Variants in PSD3 observed in about 807,000 individuals in gnomAD.
PSD3 encodes the protein PH and SEC7 domain-containing protein 3.
PSD3 carries 49 observed loss-of-function variants against 105.5 expected under a neutral mutation model. The observed-to-expected ratio is 0.46, with a 90% CI of 0.37 to 0.59. The LOEUF is 0.59. Ranked by LOEUF, PSD3 falls within the 20% of genes least tolerant of loss-of-function variation. PSD3 has a pLI of 0.00. For synonymous variants in PSD3, 557 were observed against 457.8 expected, an observed-to-expected ratio of 1.22 and a Z score of -2.77; for missense variants, 1,561 against 1,263.8, an observed-to-expected ratio of 1.24 and a Z score of -3.57.
chr8:18,990,387 T>G (rs1825723840), intron 1 of PSD3, among the ~76,000 whole-genome samples: 1 of 152,136 alleles, frequency 6.6e-6, no homozygotes, highest in Non-Finnish European at 1.5e-5. Flanking sequence ...CCGCCTGGCC[T>G]TCTCTCAGTT....
intron 1 of PSD3, among the ~76,000 whole-genome samples, chr8:19,074,651 C>T (rs1285296422): frequency 2.8e-5 from 3 of 106,520 alleles, no homozygotes; most frequent in Non-Finnish European, 5.1e-5. Context: ...GATGGAGTCT[C>T]GCTCTGTGGC....
chr8:18,530,892 C>T lies in PSD3; in HGVS notation c.*4851G>A, dbSNP rs1799606859. ...TTATTTGAGTTTAAGTTTAATAAAA[C>T]AATACCACTATATATACTCTCAACA... is the stretch of plus-strand genomic sequence containing the variant. On this transcript the variant is annotated 3_prime_UTR_variant, in exon 16 of 16. Coordinates refer to ENST00000327040, the MANE Select transcript of PSD3 (RefSeq NM_015310.4). 1 of 152,100 alleles carries T rather than the reference C, an allele frequency of 6.6e-6. No individual in the cohort carries two copies. Among genetic ancestry groups the T allele is most frequent in the Non-Finnish European group, 1.5e-5 (1 of 68,034 alleles). The allele number at this position is 152,100 out of a possible 1,614,324, so 9.4% of individuals were successfully genotyped here.
In PSD3 at chr8:18,870,231, C is replaced by T. The variant is rs114233549; in HGVS notation, c.1238+1395G>A. 7.7e-3 allele frequency among the ~76,000 whole-genome samples: 1,172 copies of T among 152,258 alleles called. 21 individuals are homozygous for T. The highest frequency in any genetic ancestry group is 0.027 in the African/African-American group (1,104 of 41,542). ...ACAACCCTCGGCCTTGACACAGATG[C>T]TCTCCCGTATAAACTATAAAATGTG... On this transcript the variant is annotated intron_variant, in intron 3 of 15. Transcript: ENST00000327040.
At position 18,641,389 on chromosome 8, in the gene PSD3, C is replaced by A. The variant is rs529812244; in HGVS notation, c.2217-8583G>T. ...GTCCTGATATCATGATGATTAAGAC[C>A]CCTCGAGGGGTTCATCATCCAGTAG... On this transcript the variant is annotated intron_variant, in intron 10 of 15. Coordinates refer to ENST00000327040, the MANE Select transcript of PSD3 (RefSeq NM_015310.4). Among the ~76,000 whole-genome samples, 4 of 152,138 alleles carry A rather than the reference C, an allele frequency of 2.6e-5. No homozygotes were observed. In the South Asian group the frequency reaches 8.3e-4, roughly 32 times the overall value.
chr8:18,744,212 C>T (rs1804805549), intron 9 of PSD3, among the ~76,000 whole-genome samples: 1 of 152,176 alleles, frequency 6.6e-6, no homozygotes, highest in Admixed American at 6.5e-5. Context: ...GTAGGCTTTA[C>T]ATGGATTTTC....
At position 18,531,337 on chromosome 8, in the gene PSD3, T is replaced by A. The variant is rs987649872; in HGVS notation, c.*4406A>T. Reference sequence around the variant, plus strand: ...TCTCTGCATGCAATGGGCCAATTATTGTCATAAGCAGAAGGCTGCCCACGT... The same window carrying A: ...TCTCTGCATGCAATGGGCCAATTATAGTCATAAGCAGAAGGCTGCCCACGT... On this transcript the variant is annotated 3_prime_UTR_variant, in exon 16 of 16. Transcript: ENST00000327040. 1 of 152,654 alleles carries A rather than the reference T, an allele frequency of 6.6e-6. No individual in the cohort carries two copies. The highest frequency in any genetic ancestry group is 6.5e-5 in the Admixed American group (1 of 15,290). The allele number at this position is 152,654 out of a possible 1,614,324, so 9.5% of individuals were successfully genotyped here. A position where few individuals can be genotyped will look rare whatever the true frequency, so the allele number is the denominator to read the frequency against.
intron 9 of PSD3, among the ~76,000 whole-genome samples, chr8:18,713,503 G>C (rs189472312): frequency 6.6e-6 from 1 of 152,188 alleles, no homozygotes; most frequent in Admixed American, 6.5e-5. Context: ...CAAGCAGAGA[G>C]CCAAATCATG....
At position 18,680,208 on chromosome 8, in the gene PSD3, G is replaced by A. The variant is rs575004140; in HGVS notation, c.2173-24523C>T. ...GACTGTGGAAATGTCTGGGAGAACT[G>A]AGGCTTAAATCAACATTTTCTAATA... On this transcript the variant is annotated intron_variant, in intron 9 of 15. Coordinates refer to ENST00000327040, the MANE Select transcript of PSD3 (RefSeq NM_015310.4). Among the ~76,000 whole-genome samples the A allele has an allele frequency of 2.0e-5, 3 of 152,314 alleles. No individual in the cohort carries two copies. The South Asian group carries it at 6.2e-4, about 32-fold the overall frequency.
At chr8:19,084,661 AT>A (rs1194003993) in exon 1 of PSD3, 2 of 338,342 alleles carry the variant, frequency 5.9e-6, no homozygotes, top group Non-Finnish European at 1.2e-5. Flanking sequence ...GGATCCTGGG[AT>A]TTTTTCCTCC....
chr8:18,661,310 T>C (rs1386696), intron 9 of PSD3, among the ~76,000 whole-genome samples: 149,857 of 152,294 alleles, frequency 0.98, 73,771 homozygotes, highest in Non-Finnish European at 1. Flanking sequence ...ACCACAATTC[T>C]CTCTTTCAAA....
intron 1 of PSD3, among the ~76,000 whole-genome samples, chr8:18,961,455 A>G (rs890709994): frequency 1.3e-5 from 2 of 152,206 alleles, no homozygotes; most frequent in Non-Finnish European, 2.9e-5. Flanking sequence ...TTGGGAGGCC[A>G]AGGCGGGCGG....
intron 10 of PSD3, among the ~76,000 whole-genome samples, chr8:18,647,049 A>G (rs1400537061): frequency 1.3e-5 from 2 of 152,208 alleles, no homozygotes; most frequent in Non-Finnish European, 2.9e-5. Flanking sequence ...ATGTACATGC[A>G]CACACTCACA....
At chr8:18,903,035 G>A (rs974238419) in intron 2 of PSD3, among the ~76,000 whole-genome samples, 2 of 152,150 alleles carry the variant, frequency 1.3e-5, no homozygotes, top group Admixed American at 6.5e-5. Context: ...TGTGGCACCT[G>A]CATCTTGGAG....
chr8:18,873,866 C>T (rs750688724), intron 2 of PSD3, among the ~76,000 whole-genome samples: 4 of 152,114 alleles, frequency 2.6e-5, no homozygotes, highest in South Asian at 4.1e-4. Context: ...CCCCAATACA[C>T]GAAGTAAACA....
intron 6 of PSD3, chr8:18,803,412 T>TGTGTGTGTGTGTGG: frequency 6.6e-6 from 1 of 152,152 alleles, no homozygotes; most frequent in Admixed American, 6.6e-5. Context: ...TGTGTGTGTG[T>TGTGTGTGTGTGTGG]GTGTGTGTTA....
At chr8:18,911,613 C>T (rs114208838) in intron 2 of PSD3, among the ~76,000 whole-genome samples, 7,538 of 152,208 alleles carry the variant, frequency 0.05, 208 homozygotes, top group Admixed American at 0.081. Flanking sequence ...GTGTCTGTTG[C>T]ATAATAATGA....
At chr8:18,752,260 A>ACTGTGTTT (rs1159877653) in intron 9 of PSD3, among the ~76,000 whole-genome samples, 1 of 150,288 alleles carries the variant, frequency 6.7e-6, no homozygotes, top group Non-Finnish European at 1.5e-5. Context: ...AATCACTGAC[A>ACTGTGTTT]CTGTGTTTTA....
chr8:18,919,419 C>A (rs1820843073), intron 2 of PSD3, among the ~76,000 whole-genome samples: 1 of 152,072 alleles, frequency 6.6e-6, no homozygotes, highest in African/African-American at 2.4e-5. Flanking sequence ...AAGCAGCCAT[C>A]CAAGGACTAC....
intron 2 of PSD3, among the ~76,000 whole-genome samples, chr8:18,915,957 T>C (rs184969118): frequency 1.3e-5 from 2 of 151,550 alleles, no homozygotes; most frequent in Non-Finnish European, 1.5e-5. Flanking sequence ...TAGCCAGGCA[T>C]GGGTGGCACA....
Sources: allele counts gnomAD v4.1 joint callset (sites outside exome capture counted in the v4.1 genomes callset), GRCh38; gene constraint gnomAD v4.1.1; transcripts MANE v1.5; gene names NCBI Gene and HGNC (gene_info 2026-07-23, HGNC 2026-07-21).